COL1A2: variants seen among roughly 807,000 people sequenced by gnomAD.
COL1A2 encodes collagen type I alpha 2 chain.
COL1A2 carries 49 observed loss-of-function variants against 174.3 expected under a neutral mutation model. The observed-to-expected ratio is 0.28, with a 90% CI of 0.22 to 0.36. The LOEUF (loss-of-function observed/expected upper bound fraction) is 0.36, where lower values mean the gene tolerates loss of function less well. COL1A2 is among the 10% of genes least tolerant of loss of function. COL1A2 has a pLI of 1.00. For synonymous variants in COL1A2, 655 were observed against 606.6 expected (o/e 1.08, Z -1.17); for missense variants, 1,438 against 1,822.7 (o/e 0.79, Z 3.84).
chr7:94,404,182 T>A (rs1483478342), intron 6 of COL1A2, among the ~76,000 whole-genome samples: 1 of 152,230 alleles, frequency 6.6e-6, no homozygotes, highest in Non-Finnish European at 1.5e-5. Flanking sequence ...AGATGACATA[T>A]GATCAAAGAT....
intron 23 of COL1A2, among the ~76,000 whole-genome samples, chr7:94,411,478 G>T (rs1456641050): frequency 1.3e-5 from 2 of 152,150 alleles, no homozygotes; most frequent in Non-Finnish European, 2.9e-5. Flanking sequence ...AGGTGTTCAT[G>T]AAATATATTA....
chr7:94,407,343 C>CACTACTGCT (rs1554395766), intron 12 of COL1A2, among the ~76,000 whole-genome samples: 8 of 149,368 alleles, frequency 5.4e-5, no homozygotes, highest in Non-Finnish European at 1.0e-4. Flanking sequence ...TATTAAATCC[C>CACTACTGCT]ACTACTACTA....
At chr7:94,399,165 A>T (rs575502456) in intron 4 of COL1A2, 81 bp downstream of exon 4, 19 of 1,295,954 alleles carry the variant, frequency 1.5e-5, no homozygotes, top group Non-Finnish European at 2.1e-5. Context: ...CTGGCAATTT[A>T]TAAGAATATT....
rs1345378860 is a variant in COL1A2, at chr7:94,429,179, T to A, written c.3712-9T>A. 2.5e-6 allele frequency: 4 copies of A among 1,610,972 alleles called. No homozygotes were observed. The highest frequency in any genetic ancestry group is 3.4e-6 in the Non-Finnish European group (4 of 1,177,464). Reference sequence around the variant, plus strand: ...CCACTTAACTGGAATTTCATCCTATTTTCTGTAGTTTGAATATAATGTAGA... The same window carrying A: ...CCACTTAACTGGAATTTCATCCTATATTCTGTAGTTTGAATATAATGTAGA... On this transcript the variant is annotated splice_polypyrimidine_tract_variant and intron_variant, in intron 50 of 51. Transcript: ENST00000297268.
intron 26 of COL1A2, 61 bp from the exon 27 acceptor site, chr7:94,413,629 G>C (rs1791978276): frequency 6.7e-7 from 1 of 1,491,046 alleles, no homozygotes; most frequent in African/African-American, 1.4e-5. Context: ...CTGAGGCTTT[G>C]AGACATCTTA....
intron 26 of COL1A2, 72 bp from the exon 27 acceptor site, chr7:94,413,618 C>A: frequency 7.1e-7 from 1 of 1,415,662 alleles, no homozygotes; most frequent in Non-Finnish European, 1.0e-6. Context: ...GGAAGTAATA[C>A]CTGAGGCTTT....
rs755610740 is a variant in COL1A2, at chr7:94,410,257, G to A, written c.1051G>A (p.Ala351Thr). ...ARGLVGEPGP[A>T]GSKGESGNKG... ...TGAACCCTAGGGTGAGCCTGGTCCA[G>A]CTGGCTCCAAAGGAGAGAGCGGTAA... The change falls in exon 20 of 52, where the codon GCT becomes ACT. Residue 351 changes from alanine to threonine, a missense_variant. Ala to Thr is a moderately conservative substitution (Grantham distance 58, BLOSUM62 0). Around this residue, in one of 3 missense-constraint regions of COL1A2, gnomAD observed 867 missense variants for 1,213.7 expected, o/e 0.71. Transcript: ENST00000297268. The A allele has an allele frequency of 4.2e-5, 68 of 1,613,736 alleles. No homozygotes were observed. The highest frequency in any genetic ancestry group is 5.2e-5 in the Non-Finnish European group (61 of 1,180,020).
chr7:94,398,636 G>GA (rs550829017), intron 3 of COL1A2, among the ~76,000 whole-genome samples: 10 of 145,846 alleles, frequency 6.9e-5, no homozygotes, highest in East Asian at 2.0e-4. Flanking sequence ...CATACAAAAG[G>GA]AAAAAAAAAG....
At chr7:94,426,948 A>T in intron 46 of COL1A2, 60 bp from the exon 47 acceptor site, 1 of 1,543,992 alleles carries the variant, frequency 6.5e-7, no homozygotes, top group Non-Finnish European at 8.9e-7. Context: ...GGAAAAAAAA[A>T]AAAAATATGT....
Position 94,415,248 on chromosome 7 carries a change from T to C in COL1A2, c.1742T>C (p.Leu581Pro). 1.2e-6 allele frequency: 2 copies of C among 1,613,950 alleles called. No homozygotes were observed. The highest frequency in any genetic ancestry group is 1.7e-6 in the Non-Finnish European group (2 of 1,179,840). Residue 581 changes from leucine (L) to proline (P), a missense_variant, in exon 30 of 52, where the codon CTC (leucine) becomes CCC (proline). Around this residue, in one of 3 missense-constraint regions of COL1A2, gnomAD observed 867 missense variants for 1,213.7 expected, o/e 0.71. Transcript: ENST00000297268. The part of the protein sequence containing the change: ...GERGLHGEFG[L>P]PGPAGPRGER... ...TAGGGTCTCCATGGTGAGTTTGGTC[T>C]CCCTGGTCCTGCTGGTCCAAGAGTA...
rs564632435 is a variant in COL1A2, at chr7:94,406,054, T to C, written c.541-196T>C. On this transcript the variant is annotated intron_variant, in intron 11 of 51. Transcript: ENST00000297268. ...GAACACCTAGTCCTCCATCCTTCTC[T>C]CTCAATGGCAAGAAAGTTAAGTGAC... Among the ~76,000 whole-genome samples the C allele has an allele frequency of 2.6e-5, 4 of 152,302 alleles. 1 individual carries two copies. Among genetic ancestry groups the C allele is most frequent in the African/African-American group, 9.6e-5 (4 of 41,578 alleles).
At chr7:94,410,788 G>A (rs1489965560) in intron 21 of COL1A2, 101 bp from the exon 22 acceptor site, 2 of 1,315,448 alleles carry the variant, frequency 1.5e-6, no homozygotes, top group African/African-American at 1.4e-5. Flanking sequence ...GTTTGTGTCT[G>A]TATCTCCCCT....
At chr7:94,426,869 A>G in intron 46 of COL1A2, 139 bp from the exon 47 acceptor site, 2 of 769,472 alleles carry the variant, frequency 2.6e-6, no homozygotes, top group Non-Finnish European at 4.4e-6. Context: ...ATGGGAGAAA[A>G]GAGCCCCACT....
At chr7:94,396,030 G>T (rs958195206) in intron 1 of COL1A2, among the ~76,000 whole-genome samples, 1 of 152,080 alleles carries the variant, frequency 6.6e-6, no homozygotes, top group Non-Finnish European at 1.5e-5. Context: ...AATTTGCTGC[G>T]TGACTTTGGG....
intron 37 of COL1A2, 46 bp downstream of exon 37, chr7:94,420,694 T>A (rs1196189048): frequency 1.3e-6 from 2 of 1,495,778 alleles, no homozygotes; most frequent in South Asian, 2.4e-5. Flanking sequence ...ACCCATTAGA[T>A]CTTCCAATTA....
In COL1A2 at chr7:94,417,840, T is replaced by A; in HGVS notation, c.1971+9T>A. The A allele has an allele frequency of 1.3e-6, 2 of 1,576,978 alleles. No homozygotes were observed. The highest frequency in any genetic ancestry group is 8.6e-7 in the Non-Finnish European group (1 of 1,158,192). ...GAGGCAAGGGAGAAAAGGTACGTGT[T>A]GACCCCTATTACATATTGTTGATGA... On this transcript the variant is annotated intron_variant, in intron 32 of 51. Transcript: ENST00000297268.
chr7:94,425,090 G>A lies in COL1A2; in HGVS notation c.2674-27G>A, dbSNP rs773588522. The A allele has an allele frequency of 3.0e-5, 48 of 1,599,376 alleles. No homozygotes were observed. The South Asian group carries it at 4.7e-4, about 16-fold the overall frequency. ...TAGCATTCCATCGAATAAGGGGAATGTCATTTTATCTTCTCTGCCTGTTTA... is the reference window on the plus strand; with the variant it reads ...TAGCATTCCATCGAATAAGGGGAATATCATTTTATCTTCTCTGCCTGTTTA... On this transcript the variant is annotated intron_variant, in intron 41 of 51. Coordinates refer to ENST00000297268, the MANE Select transcript of COL1A2 (RefSeq NM_000089.4).
rs749120506 is a variant in COL1A2, at chr7:94,427,934, T to C, written c.3526+49T>C. ...ACTGACCCTTCTCACAAGTTGAGCT[T>C]TTCAAAATTAGTTTCCATTGACATT... is the stretch of plus-strand genomic sequence containing the variant. On this transcript the variant is annotated intron_variant, in intron 49 of 51. Transcript: ENST00000297268. 1.0e-5 allele frequency: 16 copies of C among 1,601,440 alleles called. No individual in the cohort carries two copies. The South Asian group carries it at 1.6e-4, about 16-fold the overall frequency.
intron 50 of COL1A2, 106 bp from the exon 51 acceptor site, chr7:94,429,082 C>T: frequency 3.2e-6 from 3 of 950,376 alleles, no homozygotes; most frequent in Non-Finnish European, 4.7e-6. Context: ...GGATCTGAGT[C>T]TACTCTTCCT....
Sources: gnomAD v4.1 joint callset for allele counts (sites outside exome capture counted in the v4.1 genomes callset) on GRCh38, gnomAD v4.1.1 for gene constraint, gnomAD v4.1.1 regional missense constraint, MANE v1.5 for transcripts, NCBI Gene and HGNC (gene_info 2026-07-23, HGNC 2026-07-21) for gene names.